Variants in SPRY3 observed in about 807,000 individuals in gnomAD.
SPRY3 encodes the protein protein sprouty homolog 3.
SPRY3 carries 15 observed loss-of-function variants against 20.2 expected under a neutral mutation model. That is an observed-to-expected ratio of 0.74 (90% CI 0.50 to 1.14). SPRY3 has a LOEUF of 1.14. SPRY3 is among the 50% of genes most tolerant of loss of function. The probability of loss-of-function intolerance (pLI) is 0.00; values close to 1 mark genes in which losing one functional copy is unlikely to be tolerated. For synonymous variants in SPRY3, 143 were observed against 136.5 expected (o/e 1.05, Z -0.33); for missense variants, 364 against 363.9 (o/e 1.00, Z 0.00).
intron 2 of SPRY3, among the ~76,000 whole-genome samples, chrX:155,763,257 T>C (rs2091311397): frequency 6.6e-6 from 1 of 152,168 alleles, no homozygotes; most frequent in Non-Finnish European, 1.5e-5. Context: ...TTTACAACTC[T>C]AATATCATAT....
intron 2 of SPRY3, among the ~76,000 whole-genome samples, chrX:155,761,310 C>T (rs1351673949): frequency 6.6e-6 from 1 of 152,148 alleles, no homozygotes; most frequent in Non-Finnish European, 1.5e-5. Flanking sequence ...TCTGCTTACT[C>T]CTTCTCTTGT....
intron 1 of SPRY3, among the ~76,000 whole-genome samples, chrX:155,643,929 A>G (rs782774542): frequency 9.0e-6 from 1 of 111,080 alleles, no homozygotes; most frequent in African/African-American, 3.3e-5. Context: ...CAGTGTTGTA[A>G]TATTTTGTGT....
rs1033351241 is a variant in SPRY3, at chrX:155,706,757, C to T, written c.-282+49732C>T. 1.9e-4 allele frequency among the ~76,000 whole-genome samples: 29 copies of T among 150,700 alleles called. 1 individual carries two copies. Among genetic ancestry groups the T allele is most frequent in the Non-Finnish European group, 4.0e-4 (27 of 67,088 alleles). ...CAATTTAGATGAAATGGGCTAAATCCCTGGGAGGCGCGAACTACAAAAACT... is the reference window on the plus strand; with the variant it reads ...CAATTTAGATGAAATGGGCTAAATCTCTGGGAGGCGCGAACTACAAAAACT... On this transcript the variant is annotated intron_variant, in intron 2 of 3. Coordinates refer to ENST00000675360, the Ensembl canonical transcript of SPRY3.
At chrX:155,751,524 G>A (rs1393649977) in intron 2 of SPRY3, among the ~76,000 whole-genome samples, 1 of 151,822 alleles carries the variant, frequency 6.6e-6, no homozygotes, top group African/African-American at 2.4e-5. Flanking sequence ...CTTACTGGTA[G>A]AACATAAGTC....
intron 1 of SPRY3, among the ~76,000 whole-genome samples, chrX:155,639,982 CATT>C (rs1347039081): frequency 2.7e-5 from 3 of 112,173 alleles, no homozygotes; most frequent in Non-Finnish European, 5.6e-5. Flanking sequence ...GGCATCTTTT[CATT>C]ATCTGTTGGC....
intron 2 of SPRY3, among the ~76,000 whole-genome samples, chrX:155,717,589 A>C (rs1487687685): frequency 6.6e-6 from 1 of 150,550 alleles, no homozygotes; most frequent in African/African-American, 2.4e-5. Context: ...CCGGTGTGTG[A>C]TCTTCCCCTC....
At chrX:155,647,302 T>C (rs950025636) in intron 1 of SPRY3, among the ~76,000 whole-genome samples, 18 of 111,065 alleles carry the variant, frequency 1.6e-4, no homozygotes, top group Non-Finnish European at 1.9e-5. Flanking sequence ...TTTTACATTG[T>C]ATTTTGTTTT....
chrX:155,719,637 C>G (rs1327595085), intron 2 of SPRY3, among the ~76,000 whole-genome samples: 2 of 152,046 alleles, frequency 1.3e-5, no homozygotes, highest in Non-Finnish European at 2.9e-5. Context: ...ATCAGCTCAG[C>G]CACAGCAGGA....
At chrX:155,782,389 T>C (rs1302907098) in exon 2 of SPRY3, 1 of 166,972 alleles carries the variant, frequency 6.0e-6, no homozygotes, top group Non-Finnish European at 1.5e-5. Flanking sequence ...AGAGGGCCAC[T>C]TCTACCCCCC....
At chrX:155,732,835 G>A (rs1183929413) in intron 2 of SPRY3, among the ~76,000 whole-genome samples, 1 of 152,032 alleles carries the variant, frequency 6.6e-6, no homozygotes, top group African/African-American at 2.4e-5. Flanking sequence ...ACGAGATCCT[G>A]TCATTTGCAA....
intron 2 of SPRY3, among the ~76,000 whole-genome samples, chrX:155,704,683 A>G (rs1353588105): frequency 1.3e-5 from 2 of 151,682 alleles, no homozygotes; most frequent in Non-Finnish European, 3.0e-5. Context: ...GAGTGCACCA[A>G]ACATGACTTT....
chrX:155,731,314 G>A (rs994594783), intron 2 of SPRY3, among the ~76,000 whole-genome samples: 23 of 151,814 alleles, frequency 1.5e-4, no homozygotes, highest in African/African-American at 4.1e-4. Flanking sequence ...AAGCAGATAC[G>A]TAAACCAAAG....
chrX:155,767,007 A>G (rs904032621), intron 2 of SPRY3, among the ~76,000 whole-genome samples: 2 of 152,162 alleles, frequency 1.3e-5, no homozygotes, highest in South Asian at 2.1e-4. Flanking sequence ...GTAGATTGGT[A>G]GAAATGTGAT....
chrX:155,716,718 C>A (rs1357885165), intron 2 of SPRY3, among the ~76,000 whole-genome samples: 3 of 151,300 alleles, frequency 2.0e-5, no homozygotes. Flanking sequence ...TTTTTTTAAT[C>A]CTGGTTTTCT....
exon 4 of SPRY3, chrX:155,775,551 A>G (rs980386292): frequency 3.0e-5 from 5 of 167,098 alleles, no homozygotes; most frequent in African/African-American, 1.2e-4. Context: ...AATAGTGTGT[A>G]TCCCGATGTG....
intron 2 of SPRY3, among the ~76,000 whole-genome samples, chrX:155,747,786 G>T (rs306897): frequency 6.6e-6 from 1 of 151,748 alleles, no homozygotes; most frequent in Admixed American, 6.6e-5. Flanking sequence ...GACCAAAAAC[G>T]TTATTGAGAC....
At chrX:155,707,467 A>G (rs1316818408) in intron 2 of SPRY3, among the ~76,000 whole-genome samples, 1 of 151,180 alleles carries the variant, frequency 6.6e-6, no homozygotes, top group Non-Finnish European at 1.5e-5. Context: ...ATTGTGTAAA[A>G]TGTTCTAAAA....
chrX:155,697,226 A>G lies in SPRY3; in HGVS notation c.-282+40201A>G, dbSNP rs962867993. ...GCCCTTCCCAGTGTAGGTGGGCATC[A>G]TCCAATCCATTCAGGACCTGAATAG... On this transcript the variant is annotated intron_variant, in intron 2 of 3. Transcript: ENST00000675360. Among the ~76,000 whole-genome samples, 13 of 111,096 alleles carry G rather than the reference A, an allele frequency of 1.2e-4. 1 individual carries two copies. Among genetic ancestry groups the G allele is most frequent in the African/African-American group, 4.3e-4 (13 of 30,588 alleles).
chrX:155,642,655 T>C (rs1011859552), intron 1 of SPRY3, among the ~76,000 whole-genome samples: 1 of 111,624 alleles, frequency 9.0e-6, no homozygotes, highest in Non-Finnish European at 1.9e-5. Context: ...CTGTATCTTA[T>C]AGGTTTTAGT....
Sources: allele counts gnomAD v4.1 joint callset (sites outside exome capture counted in the v4.1 genomes callset), GRCh38; gene constraint gnomAD v4.1.1; transcripts MANE v1.5; gene names NCBI Gene and HGNC (gene_info 2026-07-23, HGNC 2026-07-21).